CDON: variants seen among roughly 807,000 people sequenced by gnomAD.
CDON encodes cell adhesion associated, oncogene regulated.
Under a neutral mutation model 120.9 loss-of-function variants are expected in CDON, and 73 were observed. That is an observed-to-expected ratio of 0.60 (90% CI 0.50 to 0.73). CDON has a LOEUF of 0.73. Among genes scored for constraint, CDON ranks in the 30% least tolerant of loss-of-function variants. The pLI is 0.00. For missense variants in CDON, 1,470 were observed against 1,587.3 expected, an observed-to-expected ratio of 0.93 and a Z score of 1.26; for synonymous variants, 566 against 573.5, an observed-to-expected ratio of 0.99 and a Z score of 0.19.
intron 18 of CDON, among the ~76,000 whole-genome samples, chr11:125,964,335 A>G (rs1160497539): frequency 6.6e-6 from 1 of 152,238 alleles, no homozygotes; most frequent in South Asian, 2.1e-4. Context: ...TAGGTCAGAC[A>G]TCGTGGTAGG....
In CDON at chr11:125,966,767, T is replaced by C. The variant is rs950011700; in HGVS notation, c.3357-4769A>G. ...CCTTGAAAGGGAACAACAATAGCTG[T>C]ACAGATGATTTTTCAACAGAAATGA... On this transcript the variant is annotated intron_variant, in intron 18 of 19. Coordinates refer to ENST00000531738, the MANE Select transcript of CDON (RefSeq NM_001378964.1). Among the ~76,000 whole-genome samples, 15 of 151,732 alleles carry C rather than the reference T, an allele frequency of 9.9e-5. 1 individual carries two copies.
chr11:126,009,848 CA>C (rs956874320), intron 8 of CDON, among the ~76,000 whole-genome samples: 5 of 151,936 alleles, frequency 3.3e-5, no homozygotes, highest in Non-Finnish European at 5.9e-5. Flanking sequence ...GTCATCATCA[CA>C]AAAAATCAGT....
chr11:126,009,291 T>TA (rs1316092516), intron 8 of CDON, among the ~76,000 whole-genome samples: 2 of 152,202 alleles, frequency 1.3e-5, no homozygotes, highest in Non-Finnish European at 2.9e-5. Context: ...TATGTGCACA[T>TA]ACGAACTCTT....
At chr11:126,051,652 CTTTTT>C (rs66575795) in intron 1 of CDON, among the ~76,000 whole-genome samples, 2 of 139,960 alleles carry the variant, frequency 1.4e-5, no homozygotes, top group African/African-American at 5.3e-5. Flanking sequence ...TATTTTTTTT[CTTTTT>C]TTTTTTTTTT....
At chr11:126,024,768 T>G (rs188191913) in intron 1 of CDON, among the ~76,000 whole-genome samples, 83 of 152,052 alleles carry the variant, frequency 5.5e-4, no homozygotes, top group Middle Eastern at 3.2e-3. Context: ...GGAAAATATG[T>G]TTAGAGGACT....
intron 11 of CDON, among the ~76,000 whole-genome samples, chr11:126,000,720 G>C (rs1453026888): frequency 6.6e-6 from 1 of 152,190 alleles, no homozygotes; most frequent in Non-Finnish European, 1.5e-5. Flanking sequence ...TCAAGTAAAA[G>C]AGATTCATGA....
chr11:126,042,825 G>A (rs1948297567), intron 1 of CDON, among the ~76,000 whole-genome samples: 3 of 152,144 alleles, frequency 2.0e-5, no homozygotes, highest in Admixed American at 2.0e-4. Context: ...GTTTCACCGT[G>A]TTGCGAAGGC....
At chr11:126,040,132 A>AG (rs1358167396) in intron 1 of CDON, among the ~76,000 whole-genome samples, 1 of 152,180 alleles carries the variant, frequency 6.6e-6, no homozygotes, top group Non-Finnish European at 1.5e-5. Flanking sequence ...GCTTACTCAC[A>AG]GGTCACATAA....
At chr11:126,057,780 ATTGTTTCAC>A (rs1247088739) in intron 1 of CDON, among the ~76,000 whole-genome samples, 11 of 152,240 alleles carry the variant, frequency 7.2e-5, no homozygotes, top group African/African-American at 2.7e-4. Context: ...AGAAAGCTGT[ATTGTTTCAC>A]GTGCCCGCAC....
intron 18 of CDON, among the ~76,000 whole-genome samples, chr11:125,976,783 G>A (rs75011737): frequency 1.8e-4 from 27 of 152,264 alleles, no homozygotes; most frequent in African/African-American, 6.0e-4. Flanking sequence ...AGAGACTACC[G>A]TCAGATTATG....
chr11:126,053,113 C>A (rs745796985), intron 1 of CDON, among the ~76,000 whole-genome samples: 1 of 152,246 alleles, frequency 6.6e-6, no homozygotes. Flanking sequence ...CAGAACCTCA[C>A]TATAATTCTT....
chr11:126,045,032 T>TA (rs1307583412), intron 1 of CDON, among the ~76,000 whole-genome samples: 3 of 139,090 alleles, frequency 2.2e-5, no homozygotes, highest in Non-Finnish European at 3.3e-5. Flanking sequence ...TTAAAATATA[T>TA]ATATAGAGAG....
chr11:126,024,302 T>C (rs1947725503), intron 1 of CDON, among the ~76,000 whole-genome samples: 1 of 152,208 alleles, frequency 6.6e-6, no homozygotes, highest in Admixed American at 6.5e-5. Context: ...TTTAAAAAGA[T>C]CACTGGCTGA....
intron 11 of CDON, among the ~76,000 whole-genome samples, chr11:125,998,982 C>T (rs1257082948): frequency 3.3e-5 from 5 of 152,098 alleles, no homozygotes; most frequent in Non-Finnish European, 7.4e-5. Context: ...GTCTTCAACC[C>T]ACCATACAAA....
At chr11:126,004,835 A>C (rs1209220329) in intron 9 of CDON, among the ~76,000 whole-genome samples, 2 of 152,228 alleles carry the variant, frequency 1.3e-5, no homozygotes, top group African/African-American at 2.4e-5. Flanking sequence ...TAAATATGGA[A>C]TGCATCCCTC....
intron 18 of CDON, among the ~76,000 whole-genome samples, chr11:125,973,801 C>T (rs1946070817): frequency 6.6e-6 from 1 of 152,182 alleles, no homozygotes; most frequent in African/African-American, 2.4e-5. Flanking sequence ...AGCAAAATGC[C>T]ACTTGCTTAC....
intron 6 of CDON, among the ~76,000 whole-genome samples, chr11:126,016,211 CT>C (rs1947464119): frequency 6.6e-6 from 1 of 152,156 alleles, no homozygotes; most frequent in Non-Finnish European, 1.5e-5. Context: ...TATGAAACCA[CT>C]TTCCACCTAA....
intron 4 of CDON, 125 bp downstream of exon 4, chr11:126,019,492 GTT>G (rs1468495291): frequency 2.0e-6 from 2 of 984,010 alleles, no homozygotes; most frequent in Non-Finnish European, 3.2e-6. Context: ...GTAACCATTT[GTT>G]TTAGTCCTCT....
At chr11:125,985,473 C>G (rs569998273) in intron 15 of CDON, among the ~76,000 whole-genome samples, 6 of 152,194 alleles carry the variant, frequency 3.9e-5, no homozygotes, top group Non-Finnish European at 7.3e-5. Flanking sequence ...AGCCACCGTG[C>G]CTAGCTAGTT....
Sources: allele counts gnomAD v4.1 joint callset (sites outside exome capture counted in the v4.1 genomes callset), GRCh38; gene constraint gnomAD v4.1.1; transcripts MANE v1.5; gene names NCBI Gene and HGNC (gene_info 2026-07-23, HGNC 2026-07-21).